URB1: variants seen among roughly 807,000 people sequenced by gnomAD.
The protein encoded by URB1 is URB1 ribosome biogenesis factor.
In URB1, 197 loss-of-function variants were observed where a neutral mutation model predicts 242.3. The ratio of observed to expected loss-of-function variants is 0.81; its 90% confidence interval spans 0.72 to 0.91. The LOEUF (loss-of-function observed/expected upper bound fraction) is 0.91, where lower values mean the gene tolerates loss of function less well. Among genes scored for constraint, URB1 ranks in the 40% least tolerant of loss-of-function variants. The pLI is 0.00. For synonymous variants in URB1, 1,153 were observed against 1,201.8 expected (o/e 0.96, Z 0.84); for missense variants, 2,721 against 2,860.5 (o/e 0.95, Z 1.11).
chr21:32,335,612 A>T (rs1282450964), intron 28 of URB1: 1 of 152,392 alleles, frequency 6.6e-6, no homozygotes, highest in African/African-American at 2.4e-5. Context: ...AACAGTCACT[A>T]ATGTCAGAAA....
In URB1 at chr21:32,319,114, C is replaced by T. The variant is rs1459607572; in HGVS notation, c.5792+103G>A. Reference sequence around the variant, plus strand: ...TCCACAGCAGATCACGGCCCAGCGTCCCCCTGGTACAGAGTCATGACTGAG... The same window carrying T: ...TCCACAGCAGATCACGGCCCAGCGTTCCCCTGGTACAGAGTCATGACTGAG... On this transcript the variant is annotated intron_variant, in intron 36 of 38. Transcript: ENST00000382751. The T allele has an allele frequency of 7.6e-6, 9 of 1,184,076 alleles. No homozygotes were observed. In the African/African-American group the frequency reaches 8.0e-5, roughly 10 times the overall value. The allele number at this position is 1,184,076 out of a possible 1,614,324, so 73.3% of individuals were successfully genotyped here.
At chr21:32,331,421 T>A (rs559600626) in intron 30 of URB1, among the ~76,000 whole-genome samples, 1 of 152,230 alleles carries the variant, frequency 6.6e-6, no homozygotes, top group South Asian at 2.1e-4. Flanking sequence ...TTTCCTATTC[T>A]TCCTATCAAG....
At position 32,324,222 on chromosome 21, in the gene URB1, A is replaced by G. The variant is rs1409103097; in HGVS notation, c.5233+269T>C. Among the ~76,000 whole-genome samples the G allele has an allele frequency of 2.6e-5, 4 of 152,204 alleles. No individual in the cohort carries two copies. In the East Asian group the frequency reaches 7.7e-4, roughly 29 times the overall value. On this transcript the variant is annotated intron_variant, in intron 32 of 38. Coordinates refer to ENST00000382751, the MANE Select transcript of URB1 (RefSeq NM_014825.3). ...AATATATACTCTTTCCCTCCATTAT[A>G]AATACTGTTCTGCACTTTGCTTTGC...
At chr21:32,319,881 A>T (rs529022619) in intron 35 of URB1, among the ~76,000 whole-genome samples, 2 of 152,356 alleles carry the variant, frequency 1.3e-5, no homozygotes, top group African/African-American at 4.8e-5. Context: ...CTTTTAAAAA[A>T]ATGCACAAAA....
intron 16 of URB1, 118 bp downstream of exon 16, chr21:32,355,331 A>C: frequency 1.1e-6 from 1 of 875,240 alleles, no homozygotes; most frequent in Non-Finnish European, 1.8e-6. Flanking sequence ...AAGAATTAGG[A>C]AGTAAGCCAG....
intron 1 of URB1, among the ~76,000 whole-genome samples, chr21:32,387,263 AT>A (rs966086385): frequency 7.2e-5 from 11 of 152,228 alleles, no homozygotes; most frequent in African/African-American, 2.6e-4. Flanking sequence ...TGCCCACAGA[AT>A]TCTCCTGCCA....
rs2032572320 is a variant in URB1 at position 32,311,582 on chromosome 21, G to A, written c.*3336C>T. On this transcript the variant is annotated 3_prime_UTR_variant, in exon 39 of 39. Transcript: ENST00000382751. ...TTGCCTGTGTGGCCTTCCCTATGGG[G>A]TCCGGGCAGATGGCAGGTGTGGCAG... 3 of 1,514,828 alleles carry A rather than the reference G, an allele frequency of 2.0e-6. No individual in the cohort carries two copies. The highest frequency in any genetic ancestry group is 2.7e-6 in the Non-Finnish European group (3 of 1,127,602). 93.8% of individuals were successfully genotyped at this position (1,514,828 alleles called of 1,614,324 possible).
In URB1 at chr21:32,350,738, A is replaced by C. The variant is rs560125951; in HGVS notation, c.2798T>G (p.Leu933Arg). The C allele has an allele frequency of 6.4e-7, 1 of 1,551,526 alleles. No homozygotes were observed. Among genetic ancestry groups the C allele is most frequent in the South Asian group, 1.2e-5 (1 of 84,052 alleles). Residue 933 changes from leucine (L) to arginine (R), a missense_variant, in exon 20 of 39, where the codon CTC becomes CGC. Coordinates refer to ENST00000382751, the MANE Select transcript of URB1 (RefSeq NM_014825.3). ...QVLLAAKQVL[L>R]YLRSTVENFG... ...GTTCTCCACAGTGCTCCGCAGGTAG[A>C]GCAACACCTGCTTGGCCGCGAGCAG... is the stretch of plus-strand genomic sequence containing the variant.
chr21:32,375,817 G>A (rs1019912527), intron 5 of URB1, among the ~76,000 whole-genome samples: 4 of 151,938 alleles, frequency 2.6e-5, no homozygotes, highest in Non-Finnish European at 4.4e-5. Context: ...ATGGTGGTGC[G>A]CACCTGTAGT....
rs774251094 is a variant in URB1 at position 32,312,005 on chromosome 21, A to T, written c.*2913T>A. 6 of 1,613,018 alleles carry T rather than the reference A, an allele frequency of 3.7e-6. No individual in the cohort carries two copies. In the Admixed American group the frequency reaches 6.7e-5, roughly 18 times the overall value. On this transcript the variant is annotated 3_prime_UTR_variant, in exon 39 of 39. Coordinates refer to ENST00000382751, the MANE Select transcript of URB1 (RefSeq NM_014825.3). Reference sequence around the variant, plus strand: ...CTCAATTGCAGAGCTGATGTCAGTAAATCGTGGCCATAGCTGAGTGAACTG... The same window carrying T: ...CTCAATTGCAGAGCTGATGTCAGTATATCGTGGCCATAGCTGAGTGAACTG...
intron 5 of URB1, among the ~76,000 whole-genome samples, chr21:32,378,021 T>C (rs943501141): frequency 6.6e-6 from 1 of 152,248 alleles, no homozygotes; most frequent in Non-Finnish European, 1.5e-5. Flanking sequence ...GAAGCCCTGT[T>C]ACTGATGTTC....
intron 10 of URB1, among the ~76,000 whole-genome samples, 159 bp downstream of exon 10, chr21:32,366,459 G>A (rs915887898): frequency 1.3e-5 from 2 of 152,144 alleles, no homozygotes; most frequent in African/African-American, 4.8e-5. Context: ...TGTCACTTAT[G>A]GGCTATTTCA....
chr21:32,360,042 TC>T (rs1469152725), intron 13 of URB1, 134 bp from the exon 14 acceptor site: 1 of 784,982 alleles, frequency 1.3e-6, no homozygotes, highest in Non-Finnish European at 2.1e-6. Flanking sequence ...TGTTTCTCTG[TC>T]CTGTGCTCAC....
At chr21:32,322,077 G>C in intron 33 of URB1, 133 bp from the exon 34 acceptor site, 2 of 1,036,120 alleles carry the variant, frequency 1.9e-6, no homozygotes. Flanking sequence ...GTCTGATTAT[G>C]AAAAATCCCT....
chr21:32,322,411 A>G, intron 33 of URB1, 67 bp downstream of exon 33: 1 of 1,379,314 alleles, frequency 7.2e-7, no homozygotes, highest in Non-Finnish European at 1.0e-6. Flanking sequence ...AAATGTCAGA[A>G]TGACAACGGT....
chr21:32,383,376 A>G (rs752624682), intron 4 of URB1, 46 bp downstream of exon 4: 18 of 1,523,660 alleles, frequency 1.2e-5, no homozygotes, highest in African/African-American at 2.8e-5. Context: ...CAGTCCTCCA[A>G]GGGAAGGAGA....
At chr21:32,334,514 G>A (rs2032935056) in intron 28 of URB1, among the ~76,000 whole-genome samples, 180 bp from the exon 29 acceptor site, 1 of 152,152 alleles carries the variant, frequency 6.6e-6, no homozygotes, top group African/African-American at 2.4e-5. Flanking sequence ...GGTGGTGATG[G>A]TGAGGCTGAG....
chr21:32,380,547 C>T lies in URB1; in HGVS notation c.568-2006G>A, dbSNP rs186888428. On this transcript the variant is annotated intron_variant, in intron 4 of 38. Transcript: ENST00000382751. ...ATTCAGTTTTTATGAAACACTCATT[C>T]CATTCAAGATGCCATCATCTCAGGC... is the stretch of plus-strand genomic sequence containing the variant. 3.9e-5 allele frequency among the ~76,000 whole-genome samples: 6 copies of T among 152,326 alleles called. No individual in the cohort carries two copies. The East Asian group carries it at 1.2e-3, about 29-fold the overall frequency.
chr21:32,373,531 A>G (rs369552668), intron 7 of URB1, 116 bp downstream of exon 7: 1 of 1,205,118 alleles, frequency 8.3e-7, no homozygotes. Flanking sequence ...CAGTCAAAAG[A>G]AACAGATCAA....
Sources: allele counts gnomAD v4.1 joint callset (sites outside exome capture counted in the v4.1 genomes callset), GRCh38; gene constraint gnomAD v4.1.1; transcripts MANE v1.5; gene names NCBI Gene and HGNC (gene_info 2026-07-23, HGNC 2026-07-21).